PTPRQ: variants seen among roughly 807,000 people sequenced by gnomAD.
PTPRQ encodes protein tyrosine phosphatase receptor type Q, also known as phosphatidylinositol phosphatase PTPRQ.
In PTPRQ, 199 loss-of-function variants were observed where a neutral mutation model predicts 246.0. The ratio of observed to expected loss-of-function variants is 0.81; its 90% CI spans 0.72 to 0.91. The LOEUF (loss-of-function observed/expected upper bound fraction) is 0.91, where lower values mean the gene tolerates loss of function less well. Ranked by LOEUF, PTPRQ falls within the 40% of genes least tolerant of loss-of-function variation. The probability of loss-of-function intolerance (pLI) is 0.00; values close to 1 mark genes in which losing one functional copy is unlikely to be tolerated. For missense variants in PTPRQ, 2,624 were observed against 2,528.4 expected, an observed-to-expected ratio of 1.04 and a Z score of -0.81; for synonymous variants, 869 against 853.2, an observed-to-expected ratio of 1.02 and a Z score of -0.32.
chr12:80,504,156 A>G (rs1894884872), intron 14 of PTPRQ, among the ~76,000 whole-genome samples: 1 of 151,686 alleles, frequency 6.6e-6, no homozygotes, highest in Admixed American at 6.6e-5. Flanking sequence ...CCCCCTCCGG[A>G]TATCATCTAT....
Position 80,510,439 on chromosome 12 carries a change from G to A in PTPRQ, c.2674G>A (p.Val892Ile). The A allele has an allele frequency of 1.9e-6, 3 of 1,543,352 alleles. No individual in the cohort carries two copies. Among genetic ancestry groups the A allele is most frequent in the Non-Finnish European group, 2.6e-6 (3 of 1,143,276 alleles). ...AATTATCCTTTATTACACAGTTTAT[G>A]TCTGGTAATAATTTTTTTTTTGGAA... ...NGIILYYTVY[V>I]WNRSSLKTIN... The change falls in exon 17 of 45, where the codon GTC (valine) becomes ATC (isoleucine). Residue 892 changes from valine to isoleucine, a missense_variant. Val to Ile is a conservative substitution (Grantham distance 29). Transcript: ENST00000644991.
intron 27 of PTPRQ, among the ~76,000 whole-genome samples, chr12:80,608,982 A>C (rs1276989058): frequency 6.6e-6 from 1 of 150,714 alleles, no homozygotes; most frequent in Non-Finnish European, 1.5e-5. Flanking sequence ...TGCCAGTGGC[A>C]TATATTCCTG....
At chr12:80,602,699 G>A (rs1898183383) in intron 26 of PTPRQ, among the ~76,000 whole-genome samples, 1 of 151,632 alleles carries the variant, frequency 6.6e-6, no homozygotes, top group Non-Finnish European at 1.5e-5. Flanking sequence ...CATCACATTG[G>A]CCATTGTATT....
intron 35 of PTPRQ, among the ~76,000 whole-genome samples, chr12:80,645,330 T>C (rs1900033864): frequency 6.6e-6 from 1 of 152,076 alleles, no homozygotes; most frequent in African/African-American, 2.4e-5. Flanking sequence ...CTATTGATTA[T>C]ACGTATTTAA....
chr12:80,667,043 A>T (rs1900807902), intron 39 of PTPRQ, among the ~76,000 whole-genome samples: 1 of 152,010 alleles, frequency 6.6e-6, no homozygotes. Flanking sequence ...TGTGTCATTC[A>T]GAGTAAAAAG....
intron 25 of PTPRQ, among the ~76,000 whole-genome samples, chr12:80,575,551 C>A (rs1055817751): frequency 3.9e-5 from 6 of 152,066 alleles, no homozygotes; most frequent in Non-Finnish European, 7.4e-5. Flanking sequence ...CACTGCACTC[C>A]AGCCTGGGCA....
At chr12:80,524,263 C>G (rs1045232987) in intron 17 of PTPRQ, among the ~76,000 whole-genome samples, 2 of 152,062 alleles carry the variant, frequency 1.3e-5, no homozygotes, top group Non-Finnish European at 2.9e-5. Context: ...TGTGTCTCTG[C>G]ATGTGATATG....
intron 21 of PTPRQ, 35 bp downstream of exon 21, chr12:80,541,880 T>C: frequency 6.7e-7 from 1 of 1,486,478 alleles, no homozygotes; most frequent in Non-Finnish European, 8.9e-7. Flanking sequence ...GTTAAGCAGA[T>C]TGTTGTTCTT....
chr12:80,631,687 CAT>C (rs1042728058), intron 33 of PTPRQ, among the ~76,000 whole-genome samples: 1 of 152,122 alleles, frequency 6.6e-6, no homozygotes, highest in Non-Finnish European at 1.5e-5. Flanking sequence ...GATTTCCTCA[CAT>C]GTTTTGGATG....
Position 80,596,678 on chromosome 12 carries a change from C to T in PTPRQ, c.4609+8226C>T, listed in dbSNP as rs553354132. On this transcript the variant is annotated intron_variant, in intron 26 of 44. Coordinates refer to ENST00000644991, the MANE Select transcript of PTPRQ (RefSeq NM_001145026.2). Reference sequence around the variant, plus strand: ...TACATTGTGAATTTTTGTCTTTAACCTCAGTTCTAAGTTCTAGCTCAGCAT... The same window carrying T: ...TACATTGTGAATTTTTGTCTTTAACTTCAGTTCTAAGTTCTAGCTCAGCAT... 1.7e-3 allele frequency among the ~76,000 whole-genome samples: 256 copies of T among 152,034 alleles called. 1 individual carries two copies. Among genetic ancestry groups the T allele is most frequent in the African/African-American group, 6.0e-3 (250 of 41,512 alleles).
In PTPRQ at chr12:80,624,056, A is replaced by C. The variant is rs76685047; in HGVS notation, c.5686+1922A>C. ...TAATCCTGGAATGTAGCAGAAATACACAGTCAGGTTTTTGATTCCTTCTTT... is the reference window on the plus strand; with the variant it reads ...TAATCCTGGAATGTAGCAGAAATACCCAGTCAGGTTTTTGATTCCTTCTTT... On this transcript the variant is annotated intron_variant, in intron 33 of 44. Transcript: ENST00000644991. Among the ~76,000 whole-genome samples, 1,404 of 152,274 alleles carry C rather than the reference A, an allele frequency of 9.2e-3. 30 individuals are homozygous for C. The highest frequency in any genetic ancestry group is 0.031 in the African/African-American group (1,307 of 41,560).
intron 25 of PTPRQ, among the ~76,000 whole-genome samples, chr12:80,584,701 C>G (rs1245132425): frequency 6.6e-6 from 1 of 152,152 alleles, no homozygotes; most frequent in Non-Finnish European, 1.5e-5. Flanking sequence ...GAAATTCCAT[C>G]TCATGTGCCA....
intron 39 of PTPRQ, among the ~76,000 whole-genome samples, chr12:80,659,044 A>G (rs1055231405): frequency 1.8e-4 from 27 of 151,994 alleles, no homozygotes; most frequent in African/African-American, 5.8e-4. Flanking sequence ...TTACAATCAT[A>G]TATTGGGTCC....
At chr12:80,523,317 C>T (rs1895569583) in intron 17 of PTPRQ, among the ~76,000 whole-genome samples, 6 of 152,092 alleles carry the variant, frequency 3.9e-5, no homozygotes, top group Admixed American at 3.9e-4. Context: ...AAAACCAGCT[C>T]CTGGATTCAT....
At chr12:80,555,865 T>C (rs1896630145) in intron 25 of PTPRQ, among the ~76,000 whole-genome samples, 1 of 152,210 alleles carries the variant, frequency 6.6e-6, no homozygotes, top group African/African-American at 2.4e-5. Context: ...CTGCTTGCTA[T>C]GTTCAGGTTC....
chr12:80,652,857 GT>G, intron 38 of PTPRQ, 23 bp downstream of exon 38: 1 of 1,429,904 alleles, frequency 7.0e-7, no homozygotes, highest in Non-Finnish European at 9.1e-7. Flanking sequence ...GTTGGTTTTG[GT>G]TTAGCTAGGA....
At chr12:80,492,378 T>A (rs1294218118) in intron 9 of PTPRQ, among the ~76,000 whole-genome samples, 1 of 151,970 alleles carries the variant, frequency 6.6e-6, no homozygotes, top group Non-Finnish European at 1.5e-5. Flanking sequence ...TATCTTCACA[T>A]CCTATGTTGA....
chr12:80,485,808 C>A lies in PTPRQ; in HGVS notation c.1359+1203C>A, dbSNP rs151327028. On this transcript the variant is annotated intron_variant, in intron 9 of 44. Coordinates refer to ENST00000644991, the MANE Select transcript of PTPRQ (RefSeq NM_001145026.2). ...CTAGTACTAGATGACAGGTTTCCCA[C>A]TTCTGCTAATGACATCTGTTGAATG... 4.1e-3 allele frequency among the ~76,000 whole-genome samples: 630 copies of A among 152,262 alleles called. 5 individuals are homozygous for A. Among genetic ancestry groups the A allele is most frequent in the African/African-American group, 0.014 (566 of 41,558 alleles).
intron 26 of PTPRQ, among the ~76,000 whole-genome samples, chr12:80,603,642 C>T (rs1460385688): frequency 6.6e-6 from 1 of 151,562 alleles, no homozygotes; most frequent in Non-Finnish European, 1.5e-5. Context: ...CCAAGATAAG[C>T]AATTCTACAG....
Sources: gnomAD v4.1 joint callset for allele counts (sites outside exome capture counted in the v4.1 genomes callset) on GRCh38, gnomAD v4.1.1 for gene constraint, MANE v1.5 for transcripts, NCBI Gene and HGNC (gene_info 2026-07-23, HGNC 2026-07-21) for gene names.